The following STOX1 variants were observed in gnomAD, a reference collection of about 807,000 sequenced individuals.
The protein encoded by STOX1 is storkhead-box protein 1.
In STOX1, 57 loss-of-function variants were observed where a neutral mutation model predicts 74.8. The observed-to-expected ratio is 0.76, with a 90% CI of 0.62 to 0.95. STOX1 has a LOEUF of 0.95. Among genes scored for constraint, STOX1 ranks in the 40% least tolerant of loss-of-function variants. The pLI is 0.00. For synonymous variants in STOX1, 375 were observed against 401.3 expected (o/e 0.93, Z 0.78); for missense variants, 1,010 against 1,117.0 (o/e 0.90, Z 1.37).
intron 1 of STOX1, among the ~76,000 whole-genome samples, chr10:68,828,649 T>C (rs565678928): frequency 6.6e-6 from 1 of 152,138 alleles, no homozygotes; most frequent in Non-Finnish European, 1.5e-5. Flanking sequence ...TTAGGAAGGG[T>C]ACCCCAGGGG....
chr10:68,889,755 G>C (rs1436707130), intron 3 of STOX1, among the ~76,000 whole-genome samples: 1 of 151,642 alleles, frequency 6.6e-6, no homozygotes, highest in South Asian at 2.1e-4. Flanking sequence ...TTAGAGACAG[G>C]GTTTCACCAT....
At chr10:68,881,932 C>A in intron 1 of STOX1, 26 bp from the exon 2 acceptor site, 1 of 1,613,484 alleles carries the variant, frequency 6.2e-7, no homozygotes, top group South Asian at 1.1e-5. Flanking sequence ...AACCCCCTCC[C>A]CCTTTTTTTT....
chr10:68,861,185 G>A lies in STOX1; in HGVS notation c.311-20773G>A, dbSNP rs905406056. Among the ~76,000 whole-genome samples, 26 of 152,056 alleles carry A rather than the reference G, an allele frequency of 1.7e-4. 1 individual carries two copies. The highest frequency in any genetic ancestry group is 6.0e-4 in the African/African-American group (25 of 41,326). ...AAGTAGAGTGCAAAGTGGTATTGGG[G>A]GGCTAACAGCCTTCAGAGCTGAGAG... is the stretch of plus-strand genomic sequence containing the variant. On this transcript the variant is annotated intron_variant, in intron 1 of 3. Transcript: ENST00000298596.
In STOX1 at chr10:68,892,841, G is replaced by A. The variant is rs1261913137; in HGVS notation, c.*105G>A. On this transcript the variant is annotated 3_prime_UTR_variant, in exon 4 of 4. Transcript: ENST00000298596. Reference sequence around the variant, plus strand: ...GTATATAAGAATTGTCTAAAGGCAAGCATATCTATACTATTAACCACATTA... The same window carrying A: ...GTATATAAGAATTGTCTAAAGGCAAACATATCTATACTATTAACCACATTA... 3 of 1,277,864 alleles carry A rather than the reference G, an allele frequency of 2.3e-6. No homozygotes were observed. The highest frequency in any genetic ancestry group is 3.0e-5 in the African/African-American group (2 of 66,718). 79.2% of individuals were successfully genotyped at this position (1,277,864 alleles called of 1,614,324 possible).
chr10:68,866,797 G>C (rs1840417730), intron 1 of STOX1, among the ~76,000 whole-genome samples: 1 of 152,198 alleles, frequency 6.6e-6, no homozygotes, highest in Non-Finnish European at 1.5e-5. Flanking sequence ...CGGGGGACAA[G>C]CATTGTATAG....
downstream of STOX1, among the ~76,000 whole-genome samples, chr10:68,894,250 G>C (rs1049945522): frequency 5.3e-5 from 8 of 151,972 alleles, no homozygotes; most frequent in African/African-American, 1.9e-4. Context: ...TAGTAGAGAT[G>C]GGGTTTCACT....
chr10:68,894,811 G>T (rs1009899687), downstream of STOX1, among the ~76,000 whole-genome samples: 17 of 152,118 alleles, frequency 1.1e-4, no homozygotes, highest in African/African-American at 4.1e-4. Context: ...CTGCAGCCTC[G>T]ACCTGTTGGA....
chr10:68,858,151 C>T (rs2133553038), intron 1 of STOX1, among the ~76,000 whole-genome samples: 1 of 152,130 alleles, frequency 6.6e-6, no homozygotes, highest in South Asian at 2.1e-4. Context: ...GCTTGTTCTG[C>T]CTGGTCACAC....
chr10:68,892,572 A>AC lies in STOX1; in HGVS notation c.2823-17_2823-16insC, dbSNP rs1841122286. ...TCCCTTCGAAGCCAATAATTCTGTTATTTTTAATATCTTTAGGACACAGAG... is the reference window on the plus strand; with the variant it reads ...TCCCTTCGAAGCCAATAATTCTGTTACTTTTTAATATCTTTAGGACACAGAG... On this transcript the variant is annotated splice_polypyrimidine_tract_variant and intron_variant, in intron 3 of 3. Transcript: ENST00000298596. 1 of 1,611,738 alleles carries AC rather than the reference A, an allele frequency of 6.2e-7. No homozygotes were observed. The highest frequency in any genetic ancestry group is 8.5e-7 in the Non-Finnish European group (1 of 1,178,246).
chr10:68,851,847 C>T (rs1003395810), intron 1 of STOX1, among the ~76,000 whole-genome samples: 1 of 151,594 alleles, frequency 6.6e-6, no homozygotes, highest in South Asian at 2.1e-4. Context: ...GTCTTAAAAA[C>T]AAACAGCCGG....
Position 68,885,757 on chromosome 10 carries a change from C to G in STOX1, c.1961C>G (p.Ser654Cys), listed in dbSNP as rs1314197613. ...RGASFSDRTPSACRLVDNTIH... is the reference protein window; with the variant it reads ...RGASFSDRTPCACRLVDNTIH... ...GCCTCCTTTTCAGACCGAACACCCT[C>G]TGCTTGTAGATTAGTGGATAACACA... Residue 654 changes from serine (S) to cysteine (C), a missense_variant, in exon 3 of 4, where the codon TCT becomes TGT. Coordinates refer to ENST00000298596, the MANE Select transcript of STOX1 (RefSeq NM_152709.5). The G allele has an allele frequency of 3.1e-6, 5 of 1,614,186 alleles. No homozygotes were observed. Among genetic ancestry groups the G allele is most frequent in the Non-Finnish European group, 4.2e-6 (5 of 1,180,044 alleles).
chr10:68,880,842 C>T (rs1037634852), intron 1 of STOX1, among the ~76,000 whole-genome samples: 3 of 151,890 alleles, frequency 2.0e-5, no homozygotes, highest in African/African-American at 4.8e-5. Context: ...TACAGGAGCC[C>T]GCCACCGTGT....
At chr10:68,846,119 T>TTTATTATTATTATTATTATTA (rs201726154) in intron 1 of STOX1, among the ~76,000 whole-genome samples, 5 of 135,838 alleles carry the variant, frequency 3.7e-5, no homozygotes, top group African/African-American at 7.9e-5. Flanking sequence ...GCTTGAGGTT[T>TTTATTATTATTATTATTATTA]TTATTATTAT....
intron 1 of STOX1, among the ~76,000 whole-genome samples, chr10:68,868,843 G>C (rs763147023): frequency 8.5e-5 from 13 of 152,230 alleles, no homozygotes; most frequent in Non-Finnish European, 1.8e-4. Flanking sequence ...ATCAGTAGAA[G>C]AACTGACACG....
intron 2 of STOX1, among the ~76,000 whole-genome samples, chr10:68,882,478 T>A (rs1840833517): frequency 6.6e-6 from 1 of 151,982 alleles, no homozygotes; most frequent in Admixed American, 6.6e-5. Flanking sequence ...ATATAATAAA[T>A]TTTTCATAAC....
intron 1 of STOX1, among the ~76,000 whole-genome samples, chr10:68,845,233 T>G (rs557280985): frequency 6.6e-6 from 1 of 151,626 alleles, no homozygotes; most frequent in East Asian, 1.9e-4. Context: ...CACCCCCAAG[T>G]AGCTGGGACT....
rs544776806 is a variant in STOX1 at position 68,841,327 on chromosome 10, C to T, written c.310+13394C>T. On this transcript the variant is annotated intron_variant, in intron 1 of 3. Transcript: ENST00000298596. ...CACTTGGTGGGTTGCTCCTGTAACACATTCACATAGTATGAAAGGGTATGC... is the reference window on the plus strand; with the variant it reads ...CACTTGGTGGGTTGCTCCTGTAACATATTCACATAGTATGAAAGGGTATGC... 1.2e-3 allele frequency among the ~76,000 whole-genome samples: 181 copies of T among 152,248 alleles called. 1 individual carries two copies. The highest frequency in any genetic ancestry group is 4.3e-3 in the African/African-American group (178 of 41,552).
At chr10:68,829,683 C>G (rs1449222027) in intron 1 of STOX1, among the ~76,000 whole-genome samples, 1 of 152,132 alleles carries the variant, frequency 6.6e-6, no homozygotes, top group Non-Finnish European at 1.5e-5. Context: ...ACCTTCACTT[C>G]TCACCTCCAT....
chr10:68,864,717 A>T (rs1840360309), intron 1 of STOX1, among the ~76,000 whole-genome samples: 2 of 152,158 alleles, frequency 1.3e-5, no homozygotes, highest in African/African-American at 4.8e-5. Context: ...TCTTCTCTGG[A>T]TCTGTTTATT....
Sources: gnomAD v4.1 joint callset for allele counts (sites outside exome capture counted in the v4.1 genomes callset) on GRCh38, gnomAD v4.1.1 for gene constraint, MANE v1.5 for transcripts, NCBI Gene and HGNC (gene_info 2026-07-23, HGNC 2026-07-21) for gene names.